Variants in PALLD observed in about 807,000 individuals in gnomAD.
PALLD encodes the protein palladin, cytoskeletal associated protein.
PALLD carries 61 observed loss-of-function variants against 123.5 expected under a neutral mutation model. That is an observed-to-expected ratio of 0.49 (90% CI 0.40 to 0.61). The LOEUF is 0.61. Among genes scored for constraint, PALLD ranks in the 20% least tolerant of loss-of-function variants. The probability of loss-of-function intolerance (pLI) is 0.00; values close to 1 mark genes in which losing one functional copy is unlikely to be tolerated. For synonymous variants in PALLD, 465 were observed against 496.4 expected (o/e 0.94, Z 0.84); for missense variants, 1,273 against 1,377.0 (o/e 0.92, Z 1.20).
chr4:168,767,517 G>C (rs1733833644), intron 10 of PALLD, among the ~76,000 whole-genome samples: 1 of 150,740 alleles, frequency 6.6e-6, no homozygotes, highest in African/African-American at 2.4e-5. Context: ...CTTACATACT[G>C]AGGTTTATTT....
At chr4:168,689,491 A>C (rs1453651067) in intron 6 of PALLD, among the ~76,000 whole-genome samples, 1 of 114,212 alleles carries the variant, frequency 8.8e-6, no homozygotes, top group East Asian at 2.9e-4. Context: ...TCTGTCACCC[A>C]GGCTGAAGTG....
At position 168,789,749 on chromosome 4, in the gene PALLD, C is replaced by A. The variant is rs1044484708; in HGVS notation, c.1964+77826C>A. On this transcript the variant is annotated intron_variant, in intron 10 of 21. Coordinates refer to ENST00000505667, the MANE Select transcript of PALLD (RefSeq NM_001166108.2). ...GGAAGTAATGCTGATAACTTGAACA[C>A]AAACACTTTCGTATTTTCATTTCAG... is the stretch of plus-strand genomic sequence containing the variant. 2.4e-4 allele frequency among the ~76,000 whole-genome samples: 36 copies of A among 150,906 alleles called. 1 individual carries two copies. Among genetic ancestry groups the A allele is most frequent in the South Asian group, 1.3e-3 (6 of 4,718 alleles).
At chr4:168,801,791 C>A (rs1394361933) in intron 10 of PALLD, among the ~76,000 whole-genome samples, 1 of 152,152 alleles carries the variant, frequency 6.6e-6, no homozygotes, top group Non-Finnish European at 1.5e-5. Context: ...TGTCAGGGAA[C>A]CTGCCTGCTG....
intron 15 of PALLD, among the ~76,000 whole-genome samples, chr4:168,913,155 G>C (rs1294834535): frequency 2.7e-5 from 2 of 73,238 alleles, no homozygotes; most frequent in African/African-American, 5.6e-5. Flanking sequence ...TTTTTTTTTT[G>C]AGACAGAGTC....
In PALLD at chr4:168,928,344, C is replaced by A. The variant is rs1235062636; in HGVS notation, c.*2164C>A. The A allele has an allele frequency of 7.7e-6, 1 of 130,244 alleles. No homozygotes were observed. The highest frequency in any genetic ancestry group is 1.5e-5 in the Non-Finnish European group (1 of 65,436). 8.1% of individuals were successfully genotyped at this position (130,244 alleles called of 1,614,324 possible). Reference sequence around the variant, plus strand: ...GTATTTATAAAAAAAAAAGTACTATCAATCAATCATACTACTTTGGATTGT... The same window carrying A: ...GTATTTATAAAAAAAAAAGTACTATAAATCAATCATACTACTTTGGATTGT... On this transcript the variant is annotated 3_prime_UTR_variant, in exon 22 of 22. Coordinates refer to ENST00000505667, the MANE Select transcript of PALLD (RefSeq NM_001166108.2).
chr4:168,863,146 C>T (rs1749743377), intron 10 of PALLD, among the ~76,000 whole-genome samples: 4 of 152,166 alleles, frequency 2.6e-5, no homozygotes, highest in South Asian at 2.1e-4. Flanking sequence ...GTACATTTGA[C>T]GGGGGATGAT....
intron 10 of PALLD, among the ~76,000 whole-genome samples, chr4:168,815,949 G>C (rs1258445964): frequency 6.6e-6 from 1 of 152,170 alleles, no homozygotes; most frequent in Non-Finnish European, 1.5e-5. Context: ...AGTTAGACAA[G>C]GGCTAATTGC....
intron 10 of PALLD, among the ~76,000 whole-genome samples, chr4:168,848,961 A>T (rs11934770): frequency 6.6e-6 from 1 of 152,070 alleles, no homozygotes; most frequent in African/African-American, 2.4e-5. Flanking sequence ...AACTACAGTC[A>T]GTAAAGATGA....
intron 10 of PALLD, among the ~76,000 whole-genome samples, chr4:168,763,594 A>G (rs951977975): frequency 1.3e-5 from 2 of 152,218 alleles, no homozygotes; most frequent in African/African-American, 4.8e-5. Flanking sequence ...GGAGATGAGC[A>G]GAAGGTGTTT....
chr4:168,688,021 G>T (rs1580974162), intron 6 of PALLD, among the ~76,000 whole-genome samples: 1 of 152,148 alleles, frequency 6.6e-6, no homozygotes, highest in East Asian at 1.9e-4. Flanking sequence ...TCTCTCTTCT[G>T]CAGGGCTGTT....
At chr4:168,648,747 T>C (rs1777739861) in intron 2 of PALLD, 1 of 152,242 alleles carries the variant, frequency 6.6e-6, no homozygotes, top group South Asian at 2.1e-4. Flanking sequence ...ACAACTACCC[T>C]ACCTAATATG....
chr4:168,755,165 G>A (rs529382426), intron 10 of PALLD, among the ~76,000 whole-genome samples: 10 of 151,624 alleles, frequency 6.6e-5, no homozygotes, highest in South Asian at 4.2e-4. Flanking sequence ...CCTGGGAGGC[G>A]GAGCTTGCGG....
At chr4:168,880,021 G>A (rs1216306250) in intron 10 of PALLD, among the ~76,000 whole-genome samples, 1 of 152,194 alleles carries the variant, frequency 6.6e-6, no homozygotes, top group Non-Finnish European at 1.5e-5. Flanking sequence ...CCAGGAAGAG[G>A]AGTACTGTGT....
intron 10 of PALLD, among the ~76,000 whole-genome samples, chr4:168,789,486 C>T (rs1196522103): frequency 6.6e-6 from 1 of 152,142 alleles, no homozygotes; most frequent in Non-Finnish European, 1.5e-5. Context: ...GCAGGCGGAT[C>T]ACAAGGTCAA....
At position 168,529,339 on chromosome 4, in the gene PALLD, GA is replaced by G. The variant is rs1209143641; in HGVS notation, c.908+16941del. ...GCAACAGAGCCAAACTCTGTCTCGA[GA>G]AAAAAAAAAAAAATGTGTTTTTCTC... On this transcript the variant is annotated intron_variant, in intron 2 of 21. Transcript: ENST00000505667. Among the ~76,000 whole-genome samples, 625 of 139,390 alleles carry G rather than the reference GA, an allele frequency of 4.5e-3. 5 individuals are homozygous for G. The highest frequency in any genetic ancestry group is 0.012 in the African/African-American group (444 of 38,022). 91.4% of individuals were successfully genotyped at this position (139,390 alleles called of 152,430 possible).
At chr4:168,813,608 C>T (rs1260791369) in intron 10 of PALLD, among the ~76,000 whole-genome samples, 1 of 152,112 alleles carries the variant, frequency 6.6e-6, no homozygotes, top group Admixed American at 6.6e-5. Flanking sequence ...CCGGCACATG[C>T]CACCACACCC....
intron 2 of PALLD, among the ~76,000 whole-genome samples, chr4:168,576,235 T>C (rs1769565488): frequency 6.6e-6 from 1 of 152,024 alleles, no homozygotes; most frequent in Admixed American, 6.6e-5. Flanking sequence ...TTTTCTTTTT[T>C]TTTCTTTTTT....
intron 1 of PALLD, among the ~76,000 whole-genome samples, chr4:168,503,646 CA>C (rs35693126): frequency 0.36 from 39,978 of 111,368 alleles, 6,304 homozygotes; most frequent in African/African-American, 0.54. Flanking sequence ...GACTCCATCT[CA>C]AAAAAAAAAA....
At chr4:168,504,837 G>C (rs984501919) in intron 1 of PALLD, 1 of 152,188 alleles carries the variant, frequency 6.6e-6, no homozygotes, top group Non-Finnish European at 1.5e-5. Context: ...ACTTACTAAA[G>C]TAGAACCACT....
Sources: gnomAD v4.1 joint callset for allele counts (sites outside exome capture counted in the v4.1 genomes callset) on GRCh38, gnomAD v4.1.1 for gene constraint, MANE v1.5 for transcripts, NCBI Gene and HGNC (gene_info 2026-07-23, HGNC 2026-07-21) for gene names.